The following DCDC1 variants were observed in gnomAD, a reference collection of about 807,000 sequenced individuals.
DCDC1 encodes the protein doublecortin domain containing 1, also known as doublecortin domain-containing protein 1.
A neutral mutation model predicts 178.3 loss-of-function variants in DCDC1; 200 were observed. The ratio of observed to expected loss-of-function variants is 1.12; its 90% confidence interval spans 1.00 to 1.26. The LOEUF (loss-of-function observed/expected upper bound fraction) is 1.26. Ranked by LOEUF, DCDC1 falls within the 50% of genes most tolerant of loss-of-function variation. The pLI is 0.00. For missense variants in DCDC1, 1,983 were observed against 1,749.2 expected, an observed-to-expected ratio of 1.13 and a Z score of -2.38; for synonymous variants, 690 against 604.8, an observed-to-expected ratio of 1.14 and a Z score of -2.07.
intron 7 of DCDC1, among the ~76,000 whole-genome samples, chr11:31,287,430 A>G (rs1053194450): frequency 1.3e-5 from 2 of 152,052 alleles, no homozygotes; most frequent in African/African-American, 4.8e-5. Context: ...GGATATTGTC[A>G]GAAATATATA....
At chr11:31,270,530 T>C (rs1945478034) in intron 7 of DCDC1, among the ~76,000 whole-genome samples, 1 of 152,230 alleles carries the variant, frequency 6.6e-6, no homozygotes, top group Admixed American at 6.5e-5. Context: ...TCTTCCATTG[T>C]GTACTCTGAA....
At chr11:31,250,430 G>GCACACACACACA (rs1565496619) in intron 8 of DCDC1, among the ~76,000 whole-genome samples, 1 of 84,868 alleles carries the variant, frequency 1.2e-5, no homozygotes, top group East Asian at 5.8e-4. Flanking sequence ...ACATATATAT[G>GCACACACACACA]TATATATATA....
At chr11:30,941,698 A>G (rs575668275) in intron 21 of DCDC1, among the ~76,000 whole-genome samples, 1 of 152,280 alleles carries the variant, frequency 6.6e-6, no homozygotes, top group African/African-American at 2.4e-5. Flanking sequence ...ACATTCCCTG[A>G]AAAGTTTTTG....
chr11:31,204,882 A>G (rs778940707), intron 9 of DCDC1, among the ~76,000 whole-genome samples: 1 of 152,172 alleles, frequency 6.6e-6, no homozygotes, highest in Admixed American at 6.5e-5. Context: ...CTAATGGCTC[A>G]GTAAAAAGGC....
At chr11:30,925,281 A>G in intron 23 of DCDC1, 28 bp downstream of exon 23, 1 of 1,577,896 alleles carries the variant, frequency 6.3e-7, no homozygotes, top group South Asian at 1.1e-5. Context: ...ATAAATTAAT[A>G]TTGCCAGTTT....
chr11:31,363,906 G>A (rs917527867), intron 1 of DCDC1, among the ~76,000 whole-genome samples: 6 of 152,140 alleles, frequency 3.9e-5, no homozygotes, highest in African/African-American at 1.2e-4. Context: ...TTTACATGGT[G>A]TGTATTCTAC....
At chr11:31,333,213 T>G (rs1950093495) in intron 2 of DCDC1, among the ~76,000 whole-genome samples, 2 of 152,206 alleles carry the variant, frequency 1.3e-5, no homozygotes, top group African/African-American at 4.8e-5. Context: ...CCCCTGCTCT[T>G]TTTTTGCTCT....
chr11:31,312,976 C>T (rs1324807954), intron 3 of DCDC1, among the ~76,000 whole-genome samples: 1 of 151,852 alleles, frequency 6.6e-6, no homozygotes, highest in Non-Finnish European at 1.5e-5. Context: ...GGCAACAGAG[C>T]AAGACCTCGT....
At chr11:31,107,058 G>C (rs1388828593) in intron 12 of DCDC1, 98 bp from the exon 13 acceptor site, 4 of 616,926 alleles carry the variant, frequency 6.5e-6, no homozygotes, top group Non-Finnish European at 1.1e-5. Flanking sequence ...AACAAATGAA[G>C]TCCAAACAAA....
At chr11:31,033,281 T>C (rs1167304785) in intron 20 of DCDC1, among the ~76,000 whole-genome samples, 1 of 152,090 alleles carries the variant, frequency 6.6e-6, no homozygotes, top group African/African-American at 2.4e-5. Context: ...TATGTGTGTA[T>C]ACACACACAT....
intron 10 of DCDC1, among the ~76,000 whole-genome samples, chr11:31,131,343 T>C (rs963377194): frequency 2.6e-5 from 4 of 152,154 alleles, no homozygotes; most frequent in Non-Finnish European, 5.9e-5. Context: ...GGCTATAAAA[T>C]CCAGTGACAA....
At chr11:31,208,927 C>T (rs1296215889) in intron 9 of DCDC1, among the ~76,000 whole-genome samples, 3 of 152,126 alleles carry the variant, frequency 2.0e-5, no homozygotes, top group Non-Finnish European at 4.4e-5. Flanking sequence ...CATCCAACAG[C>T]ACCTGAAATT....
intron 9 of DCDC1, among the ~76,000 whole-genome samples, chr11:31,208,059 G>T (rs1972075378): frequency 6.6e-6 from 1 of 151,952 alleles, no homozygotes; most frequent in Non-Finnish European, 1.5e-5. Context: ...CTCAAGTTCT[G>T]GTATCTTTAT....
At position 30,897,221 on chromosome 11, in the gene DCDC1, A is replaced by G. The variant is rs200519111; in HGVS notation, c.4765+2320T>C. On this transcript the variant is annotated intron_variant, in intron 34 of 38. Transcript: ENST00000684477. Reference sequence around the variant, plus strand: ...AGAAACCACATCAAAGGATCCCTCCAGAATGGACATCACTGACCAAATACA... The same window carrying G: ...AGAAACCACATCAAAGGATCCCTCCGGAATGGACATCACTGACCAAATACA... Among the ~76,000 whole-genome samples, 6 of 152,376 alleles carry G rather than the reference A, an allele frequency of 3.9e-5. No individual in the cohort carries two copies. The East Asian group carries it at 1.2e-3, about 29-fold the overall frequency.
At position 30,929,616 on chromosome 11, in the gene DCDC1, G is replaced by T. The variant is rs749002436; in HGVS notation, c.2897+2155C>A. Among the ~76,000 whole-genome samples, 82 of 152,166 alleles carry T rather than the reference G, an allele frequency of 5.4e-4. 2 individuals carry two copies. Among genetic ancestry groups the T allele is most frequent in the Non-Finnish European group, 1.9e-4 (13 of 67,978 alleles). ...TTACAAGCTCTACTAAGGAGCTCAA[G>T]TGAGTTCAGAGATCATAACTTACTA... On this transcript the variant is annotated intron_variant, in intron 22 of 38. Coordinates refer to ENST00000684477, the MANE Select transcript of DCDC1 (RefSeq NM_001387274.1).
intron 20 of DCDC1, among the ~76,000 whole-genome samples, chr11:30,991,751 T>C (rs1346077010): frequency 6.6e-6 from 1 of 152,178 alleles, no homozygotes; most frequent in African/African-American, 2.4e-5. Context: ...ATGAAAGATT[T>C]TACCAATAAA....
intron 13 of DCDC1, 116 bp from the exon 14 acceptor site, chr11:31,103,885 T>G: frequency 1.6e-6 from 1 of 643,612 alleles, no homozygotes; most frequent in Non-Finnish European, 2.8e-6. Context: ...CAGAAATAAG[T>G]GAGTTTCCTA....
intron 36 of DCDC1, among the ~76,000 whole-genome samples, chr11:30,884,562 A>G (rs1163578235): frequency 6.6e-6 from 1 of 152,172 alleles, no homozygotes; most frequent in Non-Finnish European, 1.5e-5. Context: ...GTGTCCAAAT[A>G]CAAAATAAAT....
intron 3 of DCDC1, among the ~76,000 whole-genome samples, chr11:31,320,690 G>A (rs1389382130): frequency 3.5e-4 from 9 of 25,628 alleles, no homozygotes; most frequent in African/African-American, 1.8e-3. Context: ...TTGTTCTGTT[G>A]CTGGTGAGGA....
Sources: gnomAD v4.1 joint callset for allele counts (sites outside exome capture counted in the v4.1 genomes callset) on GRCh38, gnomAD v4.1.1 for gene constraint, MANE v1.5 for transcripts, NCBI Gene and HGNC (gene_info 2026-07-23, HGNC 2026-07-21) for gene names.